CLBA1: variants seen among roughly 807,000 people sequenced by gnomAD.
The protein encoded by CLBA1 is uncharacterized protein CLBA1.
In CLBA1, 30 loss-of-function variants were observed where a neutral mutation model predicts 28.8. The ratio of observed to expected loss-of-function variants is 1.04; its 90% CI spans 0.78 to 1.41. CLBA1 has a LOEUF of 1.41. Among genes scored for constraint, CLBA1 ranks in the 40% most tolerant of loss-of-function variants. The probability of loss-of-function intolerance (pLI) is 0.00; values close to 1 mark genes in which losing one functional copy is unlikely to be tolerated. For synonymous variants in CLBA1, 160 were observed against 152.8 expected (o/e 1.05, Z -0.35); for missense variants, 451 against 412.3 (o/e 1.09, Z -0.81).
rs888765426 is a variant in CLBA1 at position 104,995,434 on chromosome 14, G to A, written c.*675G>A. 7.1e-6 allele frequency: 7 copies of A among 985,440 alleles called. No individual in the cohort carries two copies. The African/African-American group carries it at 1.0e-4, about 15-fold the overall frequency. The allele number at this position is 985,440 out of a possible 1,614,324, so 61.0% of individuals were successfully genotyped here. The stretch of plus-strand genomic sequence containing the variant: ...TGGCTTCCCCCAGTTATCTGCTAAG[G>A]AAAACTGTGCTCTTCGAAGGGCAGA... On this transcript the variant is annotated 3_prime_UTR_variant, in exon 5 of 5. Coordinates refer to ENST00000547315, the MANE Select transcript of CLBA1 (RefSeq NM_174891.4).
chr14:104,988,789 G>A (rs1899937935), intron 1 of CLBA1, among the ~76,000 whole-genome samples, 154 bp from the exon 2 acceptor site: 1 of 152,156 alleles, frequency 6.6e-6, no homozygotes, highest in African/African-American at 2.4e-5. Context: ...TGCTAACTTG[G>A]TGATTTTTAG....
At chr14:104,992,257 C>T (rs1257835813) in intron 3 of CLBA1, among the ~76,000 whole-genome samples, 1 of 152,106 alleles carries the variant, frequency 6.6e-6, no homozygotes, top group Non-Finnish European at 1.5e-5. Flanking sequence ...ACACCACACA[C>T]GCCACCACAT....
At chr14:104,988,137 C>T (rs1443212979) in intron 1 of CLBA1, among the ~76,000 whole-genome samples, 6 of 152,006 alleles carry the variant, frequency 3.9e-5, no homozygotes, top group Admixed American at 1.3e-4. Context: ...AGCTGGGGCC[C>T]GTTGGAATAC....
chr14:104,989,057 A>G lies in CLBA1; in HGVS notation c.538A>G (p.Lys180Glu). The G allele has an allele frequency of 6.2e-7, 1 of 1,613,328 alleles. No individual in the cohort carries two copies. The highest frequency in any genetic ancestry group is 1.3e-5 in the African/African-American group (1 of 75,040). The part of the protein sequence containing the change: ...DHFLEISSEE[K>E]PGVERVHKLC... ...TTTCCTAGAAATAAGCAGTGAAGAA[A>G]AACCTGGCGTTGAACGTGTACATAA... Residue 180 changes from lysine to glutamate, a missense_variant, in exon 2 of 5, where the codon AAA becomes GAA. Transcript: ENST00000547315.
intron 3 of CLBA1, among the ~76,000 whole-genome samples, chr14:104,992,663 C>T (rs982645962): frequency 6.6e-6 from 1 of 152,178 alleles, no homozygotes; most frequent in African/African-American, 2.4e-5. Context: ...GGGCCAGCTC[C>T]GAGTGGCGGC....
At chr14:104,992,049 A>ACCACGCACACGCCG (rs1159767585) in intron 3 of CLBA1, among the ~76,000 whole-genome samples, 3 of 132,342 alleles carry the variant, frequency 2.3e-5, no homozygotes, top group South Asian at 2.5e-4. Context: ...CGCACACGCC[A>ACCACGCACACGCCG]CCACGCACAC....
chr14:104,986,809 G>C lies in CLBA1; in HGVS notation c.378G>C (p.Gln126His). 6.2e-7 allele frequency: 1 copy of C among 1,613,518 alleles called. No individual in the cohort carries two copies. Among genetic ancestry groups the C allele is most frequent in the Non-Finnish European group, 8.5e-7 (1 of 1,180,010 alleles). Residue 126 changes from glutamine to histidine, a missense_variant, in exon 1 of 5, where the codon CAG (glutamine) becomes CAC (histidine). Transcript: ENST00000547315. ...AGTGCAGTTCTCACCAACCATGCCAGGGTGGACCTTGGGTGACAGGAACTT... is the reference window on the plus strand; with the variant it reads ...AGTGCAGTTCTCACCAACCATGCCACGGTGGACCTTGGGTGACAGGAACTT... ...PKECSSHQPC[Q>H]GGPWVTGTSA...
chr14:104,988,351 G>A (rs77855614), intron 1 of CLBA1, among the ~76,000 whole-genome samples: 1 of 72,348 alleles, frequency 1.4e-5, no homozygotes, highest in African/African-American at 8.0e-5. Flanking sequence ...TTTTTTTTTT[G>A]AGACGGAGTC....
intron 1 of CLBA1, among the ~76,000 whole-genome samples, chr14:104,988,335 CTT>C (rs33995599): frequency 7.2e-5 from 10 of 138,924 alleles, no homozygotes; most frequent in Non-Finnish European, 6.2e-5. Flanking sequence ...TGTATAATTT[CTT>C]TTTTTTTTTT....
intron 4 of CLBA1, chr14:104,993,429 G>A: frequency 1.0e-6 from 1 of 985,434 alleles, no homozygotes. Context: ...GCCAGGGGAT[G>A]TTGACTCCGC....
downstream of CLBA1, among the ~76,000 whole-genome samples, chr14:104,998,373 C>G (rs992255432): frequency 6.6e-6 from 1 of 151,400 alleles, no homozygotes; most frequent in Non-Finnish European, 1.5e-5. Context: ...GTGATCACAC[C>G]ACTGCACTCC....
Position 104,986,473 on chromosome 14 carries a change from C to T in CLBA1, c.42C>T (p.Asp14=), listed in dbSNP as rs368881454. The change falls in exon 1 of 5, where the codon GAC becomes GAT. Residue 14 remains aspartate, a synonymous_variant. Coordinates refer to ENST00000547315, the MANE Select transcript of CLBA1 (RefSeq NM_174891.4). ...RRELGGEPLS[D]LQEEAASASL... is the part of the protein sequence containing the mutation. Reference sequence around the variant, plus strand: ...AGCTGGGGGGAGAGCCTTTGAGTGACCTCCAGGAGGAAGCAGCCAGCGCTT... The same window carrying T: ...AGCTGGGGGGAGAGCCTTTGAGTGATCTCCAGGAGGAAGCAGCCAGCGCTT... 2 of 1,613,182 alleles carry T rather than the reference C, an allele frequency of 1.2e-6. No homozygotes were observed. The highest frequency in any genetic ancestry group is 1.3e-5 in the African/African-American group (1 of 74,922).
intron 2 of CLBA1, 43 bp from the exon 3 acceptor site, chr14:104,991,448 A>G (rs1460130805): frequency 6.2e-6 from 10 of 1,611,234 alleles, no homozygotes; most frequent in Non-Finnish European, 8.5e-6. Flanking sequence ...TCTCCTCAGA[A>G]GGCTCTCAAG....
In CLBA1 at chr14:104,995,194, C is replaced by A. The variant is rs73363354; in HGVS notation, c.*435C>A. The A allele has an allele frequency of 1.0e-6, 1 of 987,210 alleles. No homozygotes were observed. Among genetic ancestry groups the A allele is most frequent in the African/African-American group, 1.8e-5 (1 of 57,092 alleles). 61.2% of individuals were successfully genotyped at this position (987,210 alleles called of 1,614,324 possible). On this transcript the variant is annotated 3_prime_UTR_variant, in exon 5 of 5. Coordinates refer to ENST00000547315, the MANE Select transcript of CLBA1 (RefSeq NM_174891.4). ...TCACCAGAGAGACAGCTGTTGAGACCGCTCAGAAACCCTCTGTCTGTCACA... is the reference window on the plus strand; with the variant it reads ...TCACCAGAGAGACAGCTGTTGAGACAGCTCAGAAACCCTCTGTCTGTCACA...
chr14:104,986,422 G>A lies in CLBA1; in HGVS notation c.-10G>A, dbSNP rs753110594. ...GCCCATCGGGCCTCTGCTGGCCTGG[G>A]GGCTCCAAGATGCAAGGCCGGCGGG... On this transcript the variant is annotated 5_prime_UTR_variant, in exon 1 of 5. Coordinates refer to ENST00000547315, the MANE Select transcript of CLBA1 (RefSeq NM_174891.4). The A allele has an allele frequency of 3.7e-6, 6 of 1,610,704 alleles. No homozygotes were observed. Among genetic ancestry groups the A allele is most frequent in the Non-Finnish European group, 5.1e-6 (6 of 1,179,468 alleles).
rs1900129644 is a variant in CLBA1 at position 104,994,870 on chromosome 14, C to T, written c.*111C>T. On this transcript the variant is annotated 3_prime_UTR_variant, in exon 5 of 5. Transcript: ENST00000547315. ...CTGTTTTCCAGACCCCAGGCCCATT[C>T]CTGGGATCTCTCCAACAGGACCTGT... 2.7e-6 allele frequency: 4 copies of T among 1,469,796 alleles called. No homozygotes were observed. The South Asian group carries it at 4.2e-5, about 15-fold the overall frequency. 91.0% of individuals were successfully genotyped at this position (1,469,796 alleles called of 1,614,324 possible).
chr14:104,989,595 G>A, intron 2 of CLBA1: 1 of 456,066 alleles, frequency 2.2e-6, no homozygotes, highest in Non-Finnish European at 4.4e-6. Flanking sequence ...CTAGGGGAAA[G>A]TGCACCCGCA....
chr14:104,985,848 C>T lies in CLBA1; in HGVS notation c.-584C>T, dbSNP rs1899836194. 1 of 230,764 alleles carries T rather than the reference C, an allele frequency of 4.3e-6. No homozygotes were observed. The allele number at this position is 230,764 out of a possible 1,614,324, so 14.3% of individuals were successfully genotyped here. A position where few individuals can be genotyped will look rare whatever the true frequency, so the allele number is the denominator to read the frequency against. ...GGTTGCAGGTTTCTCTCGCCCTGGT[C>T]CCGCGCGGCCCCGCCGAGGCGGCGA... On this transcript the variant is annotated 5_prime_UTR_variant, in exon 1 of 5. Transcript: ENST00000547315.
rs1253942864 is a variant in CLBA1 at position 104,992,025 on chromosome 14, T to C, written c.699+405T>C. 3.6e-4 allele frequency among the ~76,000 whole-genome samples: 36 copies of C among 99,090 alleles called. No individual in the cohort carries two copies. The Middle Eastern group carries it at 0.038, about 104-fold the overall frequency. 65.0% of individuals were successfully genotyped at this position (99,090 alleles called of 152,430 possible). A position where few individuals can be genotyped will look rare whatever the true frequency, so the allele number is the denominator to read the frequency against. Reference sequence around the variant, plus strand: ...CACCTCACGCCACCACATGCCGCCATGCACACGCCGCCACGCACACGCCAC... The same window carrying C: ...CACCTCACGCCACCACATGCCGCCACGCACACGCCGCCACGCACACGCCAC... On this transcript the variant is annotated intron_variant, in intron 3 of 4. Transcript: ENST00000547315.
Sources: gnomAD v4.1 joint callset for allele counts (sites outside exome capture counted in the v4.1 genomes callset) on GRCh38, gnomAD v4.1.1 for gene constraint, MANE v1.5 for transcripts, NCBI Gene and HGNC (gene_info 2026-07-23, HGNC 2026-07-21) for gene names.